CSRNP3: variants seen among roughly 807,000 people sequenced by gnomAD.
CSRNP3 encodes the protein cysteine and serine rich nuclear protein 3.
A neutral mutation model predicts 48.0 loss-of-function variants in CSRNP3; 12 were observed. The observed-to-expected ratio is 0.25, with a 90% CI of 0.16 to 0.41. CSRNP3 has a LOEUF of 0.41. Ranked by LOEUF, CSRNP3 falls within the 10% of genes least tolerant of loss-of-function variation. The probability of loss-of-function intolerance (pLI) is 1.00; values close to 1 mark genes in which losing one functional copy is unlikely to be tolerated. For synonymous variants in CSRNP3, 263 were observed against 269.7 expected (o/e 0.98, Z 0.24); for missense variants, 580 against 724.4 (o/e 0.80, Z 2.29).
intron 3 of CSRNP3, among the ~76,000 whole-genome samples, chr2:165,551,196 C>A (rs1473323697): frequency 2.5e-4 from 38 of 152,144 alleles, no homozygotes; most frequent in Non-Finnish European, 4.4e-5. Flanking sequence ...TACCCCCAGT[C>A]ATTTCATCTC....
chr2:165,602,630 T>C (rs1685934064), intron 4 of CSRNP3, among the ~76,000 whole-genome samples: 1 of 152,198 alleles, frequency 6.6e-6, no homozygotes, highest in Non-Finnish European at 1.5e-5. Context: ...AATAGAATTG[T>C]TATCAGATCA....
chr2:165,583,366 TATGGCTTTGAAAGGAGCATCCCCCAAC>T (rs1166336299), intron 3 of CSRNP3, among the ~76,000 whole-genome samples: 1 of 152,206 alleles, frequency 6.6e-6, no homozygotes. Flanking sequence ...TTACATTCAA[TATGGCTTTGAAAGGAGCATCCCCCAAC>T]ATGCATGTGC....
At chr2:165,607,461 G>A (rs1312213763) in intron 4 of CSRNP3, among the ~76,000 whole-genome samples, 1 of 151,974 alleles carries the variant, frequency 6.6e-6, no homozygotes, top group African/African-American at 2.4e-5. Context: ...TTAAAAGTAG[G>A]GACCCATATC....
chr2:165,588,406 T>G (rs1685665238), intron 3 of CSRNP3, among the ~76,000 whole-genome samples: 1 of 152,218 alleles, frequency 6.6e-6, no homozygotes, highest in East Asian at 1.9e-4. Context: ...CATTTTAAAT[T>G]TATCATTCTG....
intron 4 of CSRNP3, among the ~76,000 whole-genome samples, chr2:165,597,477 G>C (rs1248179641): frequency 6.6e-6 from 1 of 152,054 alleles, no homozygotes; most frequent in African/African-American, 2.4e-5. Context: ...CAAAATACCA[G>C]ATAGATTACA....
intron 4 of CSRNP3, among the ~76,000 whole-genome samples, chr2:165,623,120 G>A (rs1686369098): frequency 6.6e-6 from 1 of 152,136 alleles, no homozygotes; most frequent in African/African-American, 2.4e-5. Flanking sequence ...AAAGGATACA[G>A]TATAACAACT....
intron 4 of CSRNP3, among the ~76,000 whole-genome samples, chr2:165,632,511 TA>T (rs796985015): frequency 1.3e-5 from 2 of 151,912 alleles, no homozygotes; most frequent in Admixed American, 6.6e-5. Context: ...CCTGTCTCTT[TA>T]AAAAAAATAA....
intron 4 of CSRNP3, among the ~76,000 whole-genome samples, chr2:165,608,947 A>G (rs975558856): frequency 6.8e-6 from 1 of 147,986 alleles, no homozygotes; most frequent in African/African-American, 2.5e-5. Context: ...AAAAAAAAAA[A>G]AAAAAAAAAA....
At chr2:165,678,606 T>C in intron 6 of CSRNP3, 95 bp from the exon 7 acceptor site, 2 of 1,407,264 alleles carry the variant, frequency 1.4e-6, no homozygotes, top group Admixed American at 2.2e-5. Flanking sequence ...ATTAAGTGGA[T>C]GGATTACTTA....
At chr2:165,490,795 A>T (rs971826675) in intron 1 of CSRNP3, among the ~76,000 whole-genome samples, 2 of 138,610 alleles carry the variant, frequency 1.4e-5, no homozygotes, top group Non-Finnish European at 3.1e-5. Context: ...TACAAAAATC[A>T]ATTCAAGATG....
chr2:165,602,777 C>A (rs1685936548), intron 4 of CSRNP3, among the ~76,000 whole-genome samples: 1 of 152,212 alleles, frequency 6.6e-6, no homozygotes, highest in Admixed American at 6.5e-5. Flanking sequence ...AAGTTCTATA[C>A]CTGCTACAAG....
At chr2:165,494,454 A>T (rs370510623) in intron 1 of CSRNP3, among the ~76,000 whole-genome samples, 8 of 152,110 alleles carry the variant, frequency 5.3e-5, no homozygotes, top group African/African-American at 1.9e-4. Flanking sequence ...AAATCAAATA[A>T]GTGCATTTGA....
At chr2:165,521,942 A>G (rs1190480977) in intron 3 of CSRNP3, among the ~76,000 whole-genome samples, 1 of 152,152 alleles carries the variant, frequency 6.6e-6, no homozygotes, top group Non-Finnish European at 1.5e-5. Flanking sequence ...CATCCACTCT[A>G]CTACAACAAC....
chr2:165,563,463 T>C (rs1685260232), intron 3 of CSRNP3, among the ~76,000 whole-genome samples: 1 of 152,176 alleles, frequency 6.6e-6, no homozygotes. Flanking sequence ...TATCCCACCA[T>C]GTGGCTGCAC....
chr2:165,504,504 A>G (rs1224036622), intron 2 of CSRNP3, among the ~76,000 whole-genome samples: 1 of 152,090 alleles, frequency 6.6e-6, no homozygotes, highest in Non-Finnish European at 1.5e-5. Flanking sequence ...ATAGTATGCT[A>G]TACTTTCTAT....
At chr2:165,582,566 C>A (rs1487003980) in intron 3 of CSRNP3, among the ~76,000 whole-genome samples, 1 of 152,180 alleles carries the variant, frequency 6.6e-6, no homozygotes, top group African/African-American at 2.4e-5. Flanking sequence ...GGAAAGAGCC[C>A]TGTCCTAGGA....
chr2:165,594,995 T>A (rs1425947146), intron 3 of CSRNP3, 48 bp from the exon 4 acceptor site: 1 of 1,568,374 alleles, frequency 6.4e-7, no homozygotes, highest in Non-Finnish European at 8.7e-7. Flanking sequence ...GGCTACACGT[T>A]CAGCGGTCAA....
intron 3 of CSRNP3, among the ~76,000 whole-genome samples, chr2:165,540,355 C>T (rs559200229): frequency 1.3e-5 from 2 of 152,094 alleles, no homozygotes; most frequent in African/African-American, 2.4e-5. Flanking sequence ...TTGATATTCT[C>T]TCTGAGACAG....
At chr2:165,603,754 A>G (rs1685962893) in intron 4 of CSRNP3, among the ~76,000 whole-genome samples, 1 of 152,106 alleles carries the variant, frequency 6.6e-6, no homozygotes, top group African/African-American at 2.4e-5. Flanking sequence ...AAATGACAAA[A>G]CTGTGTTTTC....
Sources: allele counts gnomAD v4.1 joint callset (sites outside exome capture counted in the v4.1 genomes callset), GRCh38; gene constraint gnomAD v4.1.1; transcripts MANE v1.5; gene names NCBI Gene and HGNC (gene_info 2026-07-23, HGNC 2026-07-21).